The following MACROD2 variants were observed in gnomAD, a reference collection of about 807,000 sequenced individuals.
MACROD2 encodes mono-ADP ribosylhydrolase 2.
MACROD2 carries 36 observed loss-of-function variants against 70.4 expected under a neutral mutation model. The observed-to-expected ratio is 0.51, with a 90% confidence interval of 0.39 to 0.68. The LOEUF is 0.68. MACROD2 is among the 30% of genes least tolerant of loss of function. The pLI is 0.00. For synonymous variants in MACROD2, 172 were observed against 178.8 expected (o/e 0.96, Z 0.30); for missense variants, 496 against 538.4 (o/e 0.92, Z 0.78).
intron 2 of MACROD2, among the ~76,000 whole-genome samples, chr20:14,036,637 A>G (rs929869035): frequency 6.6e-6 from 1 of 152,182 alleles, no homozygotes; most frequent in African/African-American, 2.4e-5. Flanking sequence ...TATTTAGCAC[A>G]GTCGTGGGTT....
At chr20:15,946,331 C>G (rs1035457311) in intron 12 of MACROD2, among the ~76,000 whole-genome samples, 3 of 152,094 alleles carry the variant, frequency 2.0e-5, no homozygotes, top group Non-Finnish European at 4.4e-5. Flanking sequence ...TAACTAGAAC[C>G]TTTACTCCAT....
At chr20:14,760,008 A>C (rs1268669160) in intron 5 of MACROD2, among the ~76,000 whole-genome samples, 1 of 152,130 alleles carries the variant, frequency 6.6e-6, no homozygotes, top group Non-Finnish European at 1.5e-5. Flanking sequence ...GCTGGAGCAG[A>C]GGCATCTGAG....
At chr20:14,448,812 CT>C in intron 3 of MACROD2, among the ~76,000 whole-genome samples, 1 of 152,198 alleles carries the variant, frequency 6.6e-6, no homozygotes, top group Admixed American at 6.5e-5. Flanking sequence ...GAATGTATTG[CT>C]CCTCAGCAAA....
At chr20:15,256,183 G>A (rs1662362611) in intron 6 of MACROD2, among the ~76,000 whole-genome samples, 1 of 151,984 alleles carries the variant, frequency 6.6e-6, no homozygotes, top group Non-Finnish European at 1.5e-5. Flanking sequence ...AGTAATTCTT[G>A]TGTTTTATTT....
chr20:14,134,745 C>T (rs749374503), intron 3 of MACROD2, among the ~76,000 whole-genome samples: 7 of 131,890 alleles, frequency 5.3e-5, no homozygotes, highest in Non-Finnish European at 7.6e-5. Context: ...TCGGAAGTTG[C>T]AGTGAGCCGA....
chr20:15,610,640 G>A (rs933255352), intron 8 of MACROD2, among the ~76,000 whole-genome samples: 1 of 152,150 alleles, frequency 6.6e-6, no homozygotes, highest in East Asian at 1.9e-4. Context: ...CAGGTTCCAG[G>A]TGGGCATATT....
intron 4 of MACROD2, among the ~76,000 whole-genome samples, chr20:14,501,642 ACT>A (rs1431135718): frequency 6.6e-6 from 1 of 152,056 alleles, no homozygotes; most frequent in Non-Finnish European, 1.5e-5. Context: ...TTCATAATTA[ACT>A]CTTTTTAAAA....
At chr20:14,235,905 G>A (rs1453393764) in intron 3 of MACROD2, among the ~76,000 whole-genome samples, 1 of 33,566 alleles carries the variant, frequency 3.0e-5, no homozygotes, top group Non-Finnish European at 5.9e-5. Flanking sequence ...CAAATAATAC[G>A]TGGAAAAACA....
chr20:14,209,816 A>T (rs1350580079), intron 3 of MACROD2, among the ~76,000 whole-genome samples: 1 of 152,206 alleles, frequency 6.6e-6, no homozygotes, highest in Non-Finnish European at 1.5e-5. Flanking sequence ...ATAGCCACTT[A>T]GTCGCAAGGG....
intron 2 of MACROD2, among the ~76,000 whole-genome samples, chr20:14,046,179 C>A (rs1334149748): frequency 6.6e-6 from 1 of 152,140 alleles, no homozygotes; most frequent in Non-Finnish European, 1.5e-5. Context: ...ACTAAGAGAA[C>A]CTTTTTTAGC....
At chr20:14,965,627 ATT>A (rs374771441) in intron 5 of MACROD2, among the ~76,000 whole-genome samples, 34 of 140,880 alleles carry the variant, frequency 2.4e-4, no homozygotes, top group Non-Finnish European at 3.5e-4. Flanking sequence ...TGCCCAGCTA[ATT>A]TTTTTTTTTT....
chr20:14,078,329 T>C lies in MACROD2; in HGVS notation c.164-7292T>C, dbSNP rs116895084. Among the ~76,000 whole-genome samples, 244 of 152,356 alleles carry C rather than the reference T, an allele frequency of 1.6e-3. 3 individuals are homozygous for C. The East Asian group carries it at 0.039, about 24-fold the overall frequency. The stretch of plus-strand genomic sequence containing the variant: ...GAACTTAACTATTGTTTCATAGTTA[T>C]CGAGGATCCTGTTTAATCAGCATTC... On this transcript the variant is annotated intron_variant, in intron 2 of 17. Transcript: ENST00000684519.
At chr20:14,380,393 G>C (rs1353664867) in intron 3 of MACROD2, among the ~76,000 whole-genome samples, 1 of 151,874 alleles carries the variant, frequency 6.6e-6, no homozygotes, top group Non-Finnish European at 1.5e-5. Flanking sequence ...GTGTCCTTCG[G>C]TACACAGAGT....
chr20:15,491,080 A>G (rs986810243), intron 7 of MACROD2, among the ~76,000 whole-genome samples: 3 of 152,234 alleles, frequency 2.0e-5, no homozygotes, highest in Non-Finnish European at 2.9e-5. Flanking sequence ...TGACTTATAC[A>G]TAATAATTGC....
chr20:15,174,686 GA>G (rs1209027854), intron 5 of MACROD2, among the ~76,000 whole-genome samples: 2 of 152,142 alleles, frequency 1.3e-5, no homozygotes, highest in African/African-American at 4.8e-5. Context: ...ACTTTTTAAT[GA>G]TCACCATTCT....
intron 3 of MACROD2, among the ~76,000 whole-genome samples, chr20:14,241,697 C>G (rs2081931078): frequency 6.6e-6 from 1 of 152,052 alleles, no homozygotes; most frequent in Non-Finnish European, 1.5e-5. Context: ...TGAACTCCAA[C>G]CTGTGGGATG....
chr20:14,191,137 A>C (rs972018227), intron 3 of MACROD2, among the ~76,000 whole-genome samples: 17 of 152,036 alleles, frequency 1.1e-4, no homozygotes, highest in African/African-American at 3.9e-4. Flanking sequence ...GTATTGCTTC[A>C]TATATGTGCC....
chr20:14,610,852 T>A (rs1296009966), intron 4 of MACROD2, among the ~76,000 whole-genome samples: 1 of 152,156 alleles, frequency 6.6e-6, no homozygotes, highest in East Asian at 1.9e-4. Context: ...ATTGTTATTC[T>A]TTGTCATTAT....
chr20:14,406,148 T>C (rs2083688507), intron 3 of MACROD2, among the ~76,000 whole-genome samples: 1 of 152,164 alleles, frequency 6.6e-6, no homozygotes, highest in African/African-American at 2.4e-5. Context: ...TGCTCCTCTC[T>C]GACCTATCTT....
Sources: allele counts gnomAD v4.1 joint callset (sites outside exome capture counted in the v4.1 genomes callset), GRCh38; gene constraint gnomAD v4.1.1; transcripts MANE v1.5; gene names NCBI Gene and HGNC (gene_info 2026-07-23, HGNC 2026-07-21).